The following ARMH1 variants were observed in gnomAD, a reference collection of about 807,000 sequenced individuals.
ARMH1 encodes armadillo-like helical domain containing protein 1.
ARMH1 carries 34 observed loss-of-function variants against 50.2 expected under a neutral mutation model. The ratio of observed to expected loss-of-function variants is 0.68; its 90% CI spans 0.51 to 0.90. The LOEUF is 0.90. ARMH1 is among the 40% of genes least tolerant of loss of function. The pLI, the probability that ARMH1 is intolerant of heterozygous loss-of-function variation, is 0.00. For synonymous variants in ARMH1, 221 were observed against 224.2 expected, an observed-to-expected ratio of 0.99 and a Z score of 0.13; for missense variants, 538 against 553.9, an observed-to-expected ratio of 0.97 and a Z score of 0.29.
chr1:44,699,942 G>C (rs1413016031), intron 4 of ARMH1, among the ~76,000 whole-genome samples: 1 of 150,962 alleles, frequency 6.6e-6, no homozygotes, highest in African/African-American at 2.4e-5. Context: ...CGATTCTCCT[G>C]CCTCAGCCTC....
rs185823968 is a variant in ARMH1, at chr1:44,700,922, G to A, written c.443-1G>A. ...TAGCATTTCCTCTCTTCTTTGCTCA[G>A]GTGTACGATCCATAGCAGAATTTTT... On this transcript the variant is annotated splice_acceptor_variant, in intron 4 of 11. Coordinates refer to ENST00000535358, the MANE Select transcript of ARMH1 (RefSeq NM_001145636.2). LOFTEE classifies it high-confidence loss of function. 5.6e-5 allele frequency: 86 copies of A among 1,546,834 alleles called. No individual in the cohort carries two copies. Among genetic ancestry groups the A allele is most frequent in the Admixed American group, 2.2e-4 (11 of 49,686 alleles).
At chr1:44,723,401 T>C (rs56211301) in intron 6 of ARMH1, among the ~76,000 whole-genome samples, 12 of 152,182 alleles carry the variant, frequency 7.9e-5, no homozygotes, top group African/African-American at 2.9e-4. Flanking sequence ...CTGGACTGAA[T>C]GAATGACTGC....
At chr1:44,721,626 G>A (rs553199107) in intron 6 of ARMH1, among the ~76,000 whole-genome samples, 9 of 152,164 alleles carry the variant, frequency 5.9e-5, no homozygotes, top group Non-Finnish European at 8.8e-5. Flanking sequence ...AGGCTTATGA[G>A]GCTGAGGTGG....
chr1:44,708,523 G>C (rs1646443313), intron 6 of ARMH1, among the ~76,000 whole-genome samples: 1 of 152,172 alleles, frequency 6.6e-6, no homozygotes, highest in African/African-American at 2.4e-5. Context: ...CTTGGAAGAA[G>C]GGTCAGGGGT....
chr1:44,675,140 G>A (rs1645092702), intron 1 of ARMH1, among the ~76,000 whole-genome samples: 1 of 152,114 alleles, frequency 6.6e-6, no homozygotes, highest in Non-Finnish European at 1.5e-5. Context: ...GGCTAAATAA[G>A]GTTCCTTAGG....
chr1:44,720,882 C>G (rs1647077377), intron 6 of ARMH1, among the ~76,000 whole-genome samples: 1 of 151,790 alleles, frequency 6.6e-6, no homozygotes, highest in South Asian at 2.1e-4. Flanking sequence ...CTAAAAAATA[C>G]AAAAATTAGC....
Position 44,705,907 on chromosome 1 carries a change from G to A in ARMH1, c.724+1734G>A, listed in dbSNP as rs149585927. On this transcript the variant is annotated intron_variant, in intron 6 of 11. Transcript: ENST00000535358. ...AAGGTCGAAAGGAGGAGAGGAGTTC[G>A]TTCTGGAAAGGGGAATGGTAGAAAG... Among the ~76,000 whole-genome samples, 949 of 152,274 alleles carry A rather than the reference G, an allele frequency of 6.2e-3. 11 individuals carry two copies. The highest frequency in any genetic ancestry group is 0.021 in the African/African-American group (884 of 41,542).
At chr1:44,698,493 C>T (rs904559952) in intron 4 of ARMH1, among the ~76,000 whole-genome samples, 1 of 152,166 alleles carries the variant, frequency 6.6e-6, no homozygotes, top group Admixed American at 6.5e-5. Context: ...ATTTGTTGAG[C>T]TGTGGCCCAA....
chr1:44,717,526 A>G (rs1463319827), intron 6 of ARMH1, among the ~76,000 whole-genome samples: 3 of 151,914 alleles, frequency 2.0e-5, no homozygotes, highest in African/African-American at 4.8e-5. Flanking sequence ...CCATCAACCA[A>G]CCTGGCTTCC....
chr1:44,678,192 C>G (rs950933971), intron 1 of ARMH1, among the ~76,000 whole-genome samples: 1 of 152,052 alleles, frequency 6.6e-6, no homozygotes, highest in African/African-American at 2.4e-5. Context: ...GTGTGGTTGA[C>G]CTCGCCAGTT....
chr1:44,699,932 C>T (rs554608496), intron 4 of ARMH1, among the ~76,000 whole-genome samples: 7 of 151,718 alleles, frequency 4.6e-5, no homozygotes, highest in African/African-American at 7.3e-5. Flanking sequence ...CGGGTTCAAG[C>T]GATTCTCCTG....
chr1:44,724,482 G>A lies in ARMH1; in HGVS notation c.921-57G>A, dbSNP rs1454218371. On this transcript the variant is annotated intron_variant, in intron 8 of 11. Coordinates refer to ENST00000535358, the MANE Select transcript of ARMH1 (RefSeq NM_001145636.2). The surrounding 1 kb of genome is among the most constrained non-coding windows in gnomAD (Gnocchi z 6.4). The stretch of plus-strand genomic sequence containing the variant: ...GGAGCGCTCCGTGCGCCGGGTGGGC[G>A]GGGGTGTGCGCCGGGTGAGCCCCAG... 4 of 1,513,108 alleles carry A rather than the reference G, an allele frequency of 2.6e-6. No homozygotes were observed. The East Asian group carries it at 7.6e-5, about 29-fold the overall frequency. 93.7% of individuals were successfully genotyped at this position (1,513,108 alleles called of 1,614,324 possible).
In ARMH1 at chr1:44,724,804, A is replaced by C. The variant is rs1648029981; in HGVS notation, c.1093A>C (p.Lys365Gln). The C allele has an allele frequency of 1.3e-6, 2 of 1,543,552 alleles. No homozygotes were observed. Among genetic ancestry groups the C allele is most frequent in the Non-Finnish European group, 1.7e-6 (2 of 1,146,772 alleles). ...MFPLVAEHVR[K>Q]CMGEELYQLF... ...CCCCTTGGTGGCGGAGCACGTGCGC[A>C]AGTGCATGGGGGAGGAACTCTACCA... The change falls in exon 10 of 12, where the codon AAG (lysine) becomes CAG (glutamine). Residue 365 changes from lysine to glutamine, a missense_variant. Transcript: ENST00000535358. This position sits in a 1 kb window ranked among gnomAD's most constrained non-coding sequence, Gnocchi z 6.4.
At chr1:44,721,562 G>GC (rs1465571591) in intron 6 of ARMH1, among the ~76,000 whole-genome samples, 1 of 151,906 alleles carries the variant, frequency 6.6e-6, no homozygotes, top group Non-Finnish European at 1.5e-5. Context: ...TTTACAAGAA[G>GC]CTAAAAAAAC....
chr1:44,724,759 C>G lies in ARMH1; in HGVS notation c.1051-3C>G, dbSNP rs534258310. 1.8e-3 allele frequency: 2,755 copies of G among 1,541,282 alleles called. 7 individuals carry two copies. The highest frequency in any genetic ancestry group is 2.2e-3 in the Middle Eastern group (12 of 5,344). ...GTCACGCCGCCTCGCCCGCGCGGCG[C>G]AGTGCTTCGTGCAGATGTTCCCCTT... is the stretch of plus-strand genomic sequence containing the variant. On this transcript the variant is annotated splice_polypyrimidine_tract_variant and splice_region_variant and intron_variant, in intron 9 of 11. Transcript: ENST00000535358. The surrounding 1 kb of genome is among the most constrained non-coding windows in gnomAD (Gnocchi z 6.4).
intron 1 of ARMH1, among the ~76,000 whole-genome samples, chr1:44,687,602 G>A (rs7519080): frequency 0.024 from 3,596 of 152,212 alleles, 145 homozygotes; most frequent in African/African-American, 0.084. Flanking sequence ...GCGGAGCTGA[G>A]CCTTGAACCC....
intron 6 of ARMH1, among the ~76,000 whole-genome samples, chr1:44,720,984 CCGAGAT>C (rs1557565549): frequency 3.3e-5 from 5 of 152,008 alleles, no homozygotes; most frequent in Admixed American, 3.3e-4. Context: ...CTGCAGTGAG[CCGAGAT>C]CGTACCACTG....
At position 44,724,830 on chromosome 1, in the gene ARMH1, G is replaced by C. The variant is rs1351663403; in HGVS notation, c.1119G>C (p.Gln373His). Residue 373 changes from glutamine (Q) to histidine (H), a missense_variant, in exon 10 of 12, where the codon CAG becomes CAC. Physicochemically the swap from Gln to His is conservative, Grantham distance 24. Transcript: ENST00000535358. The surrounding 1 kb of genome is among the most constrained non-coding windows in gnomAD (Gnocchi z 6.4). ...VRKCMGEELY[Q>H]LFLSNAEDLY... ...AGTGCATGGGGGAGGAACTCTACCAGCTCTTCCTGGTAAGTGCGCCCTTCC... is the reference window on the plus strand; with the variant it reads ...AGTGCATGGGGGAGGAACTCTACCACCTCTTCCTGGTAAGTGCGCCCTTCC... 2.6e-6 allele frequency: 4 copies of C among 1,540,082 alleles called. No individual in the cohort carries two copies. The Admixed American group carries it at 5.9e-5, about 23-fold the overall frequency.
rs984955106 is a variant in ARMH1, at chr1:44,724,354, G to A, written c.882G>A (p.Pro294=). ...TTCTCCAGCTCACCCCCAGCCTGCCGATGTTTTTGCAGCAGGCCGCGGCCG... is the reference window on the plus strand; with the variant it reads ...TTCTCCAGCTCACCCCCAGCCTGCCAATGTTTTTGCAGCAGGCCGCGGCCG... The part of the protein sequence containing the change: ...PSVLQLTPSL[P]MFLQQAAAAK... Residue 294 remains proline, a synonymous_variant, in exon 8 of 12, where the codon CCG becomes CCA. Transcript: ENST00000535358. The surrounding 1 kb of genome is among the most constrained non-coding windows in gnomAD (Gnocchi z 6.4). The A allele has an allele frequency of 1.3e-6, 2 of 1,551,416 alleles. No individual in the cohort carries two copies. Among genetic ancestry groups the A allele is most frequent in the East Asian group, 2.4e-5 (1 of 40,922 alleles).
Sources: gnomAD v4.1 joint callset for allele counts (sites outside exome capture counted in the v4.1 genomes callset) on GRCh38, gnomAD v4.1.1 for gene constraint, Gnocchi (gnomAD v3.1) non-coding constraint, MANE v1.5 for transcripts, NCBI Gene and HGNC (gene_info 2026-07-23, HGNC 2026-07-21) for gene names.